The following ZFAND1 variants were observed in gnomAD, a reference collection of about 807,000 sequenced individuals.
ZFAND1 encodes AN1-type zinc finger protein 1.
A neutral mutation model predicts 38.5 loss-of-function variants in ZFAND1; 40 were observed. That is an observed-to-expected ratio of 1.04 (90% confidence interval 0.81 to 1.35). The LOEUF (loss-of-function observed/expected upper bound fraction) is 1.35. ZFAND1 is among the 40% of genes most tolerant of loss of function. ZFAND1 has a pLI of 0.00. For synonymous variants in ZFAND1, 117 were observed against 103.6 expected (o/e 1.13, Z -0.78); for missense variants, 346 against 316.3 (o/e 1.09, Z -0.71).
intron 3 of ZFAND1, among the ~76,000 whole-genome samples, chr8:81,715,650 TAA>T (rs76111814): frequency 5.0e-5 from 7 of 139,718 alleles, no homozygotes; most frequent in African/African-American, 5.2e-5. Flanking sequence ...TTTATAAGAC[TAA>T]AAAAAAAAAA....
rs1585917207 is a variant in ZFAND1 at position 81,702,473 on chromosome 8, T to A, written c.*222A>T. Reference sequence around the variant, plus strand: ...CACTACAGCATAAACTAATGAAAGCTAATTAAATATAAGAATTTGCTAATA... The same window carrying A: ...CACTACAGCATAAACTAATGAAAGCAAATTAAATATAAGAATTTGCTAATA... On this transcript the variant is annotated 3_prime_UTR_variant, in exon 8 of 8. Coordinates refer to ENST00000220669, the MANE Select transcript of ZFAND1 (RefSeq NM_024699.3). 5 of 296,504 alleles carry A rather than the reference T, an allele frequency of 1.7e-5. No individual in the cohort carries two copies. The East Asian group carries it at 3.3e-4, about 20-fold the overall frequency. The allele number at this position is 296,504 out of a possible 1,614,324, so 18.4% of individuals were successfully genotyped here.
chr8:81,719,977 T>A (rs1808426563), intron 1 of ZFAND1, among the ~76,000 whole-genome samples: 1 of 152,200 alleles, frequency 6.6e-6, no homozygotes, highest in Admixed American at 6.5e-5. Context: ...GATAGATAGA[T>A]GGCTATAAGT....
At chr8:81,712,111 G>A (rs989880976) in intron 6 of ZFAND1, among the ~76,000 whole-genome samples, 3 of 152,058 alleles carry the variant, frequency 2.0e-5, no homozygotes, top group East Asian at 1.9e-4. Flanking sequence ...AAAACTGATC[G>A]ATAAAATTTA....
chr8:81,713,867 A>C (rs567715607), intron 6 of ZFAND1, 51 bp downstream of exon 6: 3 of 1,576,844 alleles, frequency 1.9e-6, no homozygotes. Flanking sequence ...TACAAAGAGG[A>C]CTTCAACTAT....
chr8:81,713,065 A>C (rs1419775934), intron 6 of ZFAND1, among the ~76,000 whole-genome samples: 1 of 152,094 alleles, frequency 6.6e-6, no homozygotes, highest in Non-Finnish European at 1.5e-5. Context: ...TCCATTAGGG[A>C]TTGGAAAATC....
intron 3 of ZFAND1, among the ~76,000 whole-genome samples, chr8:81,715,335 G>C (rs1289813796): frequency 2.6e-5 from 4 of 152,108 alleles, no homozygotes; most frequent in Admixed American, 2.0e-4. Flanking sequence ...TGTCTTCTAA[G>C]TCAAGTTGAA....
intron 6 of ZFAND1, among the ~76,000 whole-genome samples, chr8:81,713,358 C>A (rs959645637): frequency 1.8e-4 from 28 of 152,094 alleles, no homozygotes; most frequent in African/African-American, 5.1e-4. Context: ...CTCCTGACCT[C>A]ATGATCCACC....
At chr8:81,705,135 C>T (rs942445230) in intron 6 of ZFAND1, among the ~76,000 whole-genome samples, 3 of 152,088 alleles carry the variant, frequency 2.0e-5, no homozygotes, top group African/African-American at 4.8e-5. Context: ...AGGCTCCCTG[C>T]TCGGAAGCAG....
intron 6 of ZFAND1, among the ~76,000 whole-genome samples, chr8:81,703,777 C>T (rs1229177669): frequency 6.6e-6 from 1 of 152,052 alleles, no homozygotes; most frequent in Non-Finnish European, 1.5e-5. Context: ...CTACAGCAAA[C>T]CCCGTCACCT....
chr8:81,710,384 G>A (rs1808107072), intron 6 of ZFAND1, among the ~76,000 whole-genome samples: 1 of 151,976 alleles, frequency 6.6e-6, no homozygotes, highest in South Asian at 2.1e-4. Flanking sequence ...AAAATATCAG[G>A]GGTAGTCAAT....
intron 6 of ZFAND1, among the ~76,000 whole-genome samples, chr8:81,709,801 C>T (rs1808085238): frequency 6.6e-6 from 1 of 152,044 alleles, no homozygotes; most frequent in Admixed American, 6.5e-5. Flanking sequence ...AACCAGACTG[C>T]CTAGTTTCAA....
chr8:81,703,858 G>A (rs936941036), intron 6 of ZFAND1, among the ~76,000 whole-genome samples: 2 of 152,142 alleles, frequency 1.3e-5, no homozygotes, highest in African/African-American at 4.8e-5. Context: ...TGTAGAAAGA[G>A]AAATAACAAG....
intron 1 of ZFAND1, among the ~76,000 whole-genome samples, chr8:81,719,356 A>ACACACACACACACACACACACAC (rs1563611539): frequency 3.6e-5 from 2 of 55,082 alleles, no homozygotes; most frequent in African/African-American, 1.6e-4. Flanking sequence ...CACACACACA[A>ACACACACACACACACACACACAC]ATTAGCTGGG....
At chr8:81,718,160 C>A (rs778116365) in intron 2 of ZFAND1, 22 bp downstream of exon 2, 22 of 1,564,250 alleles carry the variant, frequency 1.4e-5, no homozygotes, top group Middle Eastern at 1.7e-4. Flanking sequence ...ACTCCCAAAT[C>A]CTGCATAAAA....
intron 6 of ZFAND1, among the ~76,000 whole-genome samples, chr8:81,704,462 CAAG>C (rs1039934800): frequency 6.8e-6 from 1 of 147,336 alleles, no homozygotes; most frequent in African/African-American, 2.5e-5. Flanking sequence ...CACTTGAGCC[CAAG>C]AAGGTCGAGG....
At chr8:81,721,152 G>C in intron 1 of ZFAND1, 75 bp downstream of exon 1, 3 of 1,526,720 alleles carry the variant, frequency 2.0e-6, no homozygotes, top group Non-Finnish European at 2.6e-6. Context: ...TTCACCCGCC[G>C]CCACCATCCG....
intron 1 of ZFAND1, among the ~76,000 whole-genome samples, chr8:81,720,582 C>T (rs2130446442): frequency 6.6e-6 from 1 of 152,264 alleles, no homozygotes; most frequent in South Asian, 2.1e-4. Context: ...GGGCCTTCTT[C>T]CGGACACACA....
chr8:81,720,959 G>T (rs1041312826), intron 1 of ZFAND1: 2 of 507,720 alleles, frequency 3.9e-6, no homozygotes, highest in African/African-American at 4.1e-5. Flanking sequence ...AGCCCCAGAA[G>T]AAACGCTCCC....
chr8:81,713,074 T>A (rs527604740), intron 6 of ZFAND1, among the ~76,000 whole-genome samples: 1 of 152,262 alleles, frequency 6.6e-6, no homozygotes, highest in Admixed American at 6.5e-5. Flanking sequence ...GATTGGAAAA[T>A]CAACCTGATA....
Sources: allele counts gnomAD v4.1 joint callset (sites outside exome capture counted in the v4.1 genomes callset), GRCh38; gene constraint gnomAD v4.1.1; transcripts MANE v1.5; gene names NCBI Gene and HGNC (gene_info 2026-07-23, HGNC 2026-07-21).